EXD3: variants seen among roughly 807,000 people sequenced by gnomAD.
EXD3 encodes exonuclease 3'-5' domain containing 3, also known as exonuclease mut-7 homolog.
EXD3 carries 92 observed loss-of-function variants against 98.0 expected under a neutral mutation model. The observed-to-expected ratio is 0.94, with a 90% CI of 0.79 to 1.12. The LOEUF (loss-of-function observed/expected upper bound fraction) is 1.12, where lower values mean the gene tolerates loss of function less well. Among genes scored for constraint, EXD3 ranks in the 50% most tolerant of loss-of-function variants. The pLI is 0.00. For missense variants in EXD3, 1,222 were observed against 1,191.6 expected (o/e 1.03, Z -0.38); for synonymous variants, 569 against 526.0 (o/e 1.08, Z -1.12).
intron 14 of EXD3, 85 bp downstream of exon 14, chr9:137,350,953 C>G: frequency 9.1e-7 from 1 of 1,099,492 alleles, no homozygotes; most frequent in South Asian, 1.4e-5. Flanking sequence ...AGCCCAGGGC[C>G]GCTGGGAAGG....
chr9:137,368,888 C>G (rs565780992), intron 5 of EXD3, among the ~76,000 whole-genome samples: 2 of 134,680 alleles, frequency 1.5e-5, no homozygotes, highest in Non-Finnish European at 3.2e-5. Context: ...GGCGAAGGTC[C>G]GGGGCGGGGC....
chr9:137,408,178 C>G (rs1342585722), intron 1 of EXD3, among the ~76,000 whole-genome samples: 1 of 152,128 alleles, frequency 6.6e-6, no homozygotes, highest in African/African-American at 2.4e-5. Flanking sequence ...TTCCTCTGGG[C>G]GCCTGGATGT....
intron 17 of EXD3, among the ~76,000 whole-genome samples, chr9:137,339,183 A>G (rs1302102148): frequency 4.6e-5 from 7 of 152,156 alleles, no homozygotes; most frequent in Non-Finnish European, 2.9e-5. Flanking sequence ...ATTCTCCCCA[A>G]AGAAAACATC....
At chr9:137,368,991 G>T in intron 5 of EXD3, among the ~76,000 whole-genome samples, 1 of 147,790 alleles carries the variant, frequency 6.8e-6, no homozygotes, top group Non-Finnish European at 1.5e-5. Context: ...GCAGTGCCCG[G>T]GGCGGGGTGG....
intron 5 of EXD3, 126 bp downstream of exon 5, chr9:137,372,779 G>T: frequency 2.0e-6 from 2 of 1,012,492 alleles, no homozygotes; most frequent in Non-Finnish European, 2.8e-6. Context: ...CCGGGTCCTT[G>T]ATACCTCCAT....
chr9:137,404,852 C>T (rs1837641075), intron 1 of EXD3, among the ~76,000 whole-genome samples: 1 of 109,476 alleles, frequency 9.1e-6, no homozygotes, highest in Non-Finnish European at 1.9e-5. Flanking sequence ...AAGAGTGAAG[C>T]TCTGTCTTAA....
chr9:137,319,663 C>T (rs1175326909), intron 19 of EXD3, among the ~76,000 whole-genome samples: 14 of 152,192 alleles, frequency 9.2e-5, no homozygotes, highest in South Asian at 4.1e-4. Flanking sequence ...GAGGCGGGTG[C>T]GCACATGGGA....
At chr9:137,362,427 G>A (rs2119279293) in intron 7 of EXD3, among the ~76,000 whole-genome samples, 1 of 151,590 alleles carries the variant, frequency 6.6e-6, no homozygotes, top group East Asian at 1.9e-4. Context: ...CATCTCAATA[G>A]AAAAGTCATT....
At chr9:137,406,043 G>A (rs781345496) in intron 1 of EXD3, among the ~76,000 whole-genome samples, 1 of 151,926 alleles carries the variant, frequency 6.6e-6, no homozygotes, top group African/African-American at 2.4e-5. Context: ...AACATAGTGA[G>A]ACCCCATCCT....
chr9:137,376,244 A>T (rs965641646), intron 3 of EXD3, among the ~76,000 whole-genome samples: 1 of 149,614 alleles, frequency 6.7e-6, no homozygotes, highest in Non-Finnish European at 1.5e-5. Flanking sequence ...CTCGGGAGGC[A>T]GAGGCAGGAG....
chr9:137,351,369 A>G lies in EXD3; in HGVS notation c.1333T>C (p.Phe445Leu). The G allele has an allele frequency of 1.9e-6, 3 of 1,611,784 alleles. No individual in the cohort carries two copies. The highest frequency in any genetic ancestry group is 2.5e-6 in the Non-Finnish European group (3 of 1,179,568). The change falls in exon 13 of 22, where the codon TTT (phenylalanine) becomes CTT (leucine). Residue 445 changes from phenylalanine to leucine, a missense_variant. By Grantham distance (22) the Phe-to-Leu change is conservative. Transcript: ENST00000340951. ...QPPTGQGAQAFSRLVAQLLSD... is the reference protein window; with the variant it reads ...QPPTGQGAQALSRLVAQLLSD... Reference sequence around the variant, plus strand: ...AGGAGCTGGGCCACCAGCCGGGAAAAGGCCTGGGCTCCCTGCCCTGTTGGT... The same window carrying G: ...AGGAGCTGGGCCACCAGCCGGGAAAGGGCCTGGGCTCCCTGCCCTGTTGGT...
chr9:137,421,470 T>C (rs1005472805), intron 1 of EXD3, among the ~76,000 whole-genome samples: 1 of 152,252 alleles, frequency 6.6e-6, no homozygotes, highest in African/African-American at 2.4e-5. Context: ...TACTGGATTC[T>C]AGCCCTGATC....
chr9:137,355,443 GGGAGGAT>G (rs1167428498), intron 8 of EXD3, among the ~76,000 whole-genome samples: 466 of 15,916 alleles, frequency 0.029, 28 homozygotes, highest in African/African-American at 0.063. Flanking sequence ...GATGGAGGAA[GGGAGGAT>G]GGAGGAAGGA....
At chr9:137,327,209 C>T (rs543209430) in intron 17 of EXD3, among the ~76,000 whole-genome samples, 1 of 151,526 alleles carries the variant, frequency 6.6e-6, no homozygotes, top group South Asian at 2.1e-4. Flanking sequence ...TCTTGGCTCA[C>T]TGCAAGTTCT....
At chr9:137,307,382 C>T in intron 21 of EXD3, 119 bp from the exon 22 acceptor site, 1 of 1,383,996 alleles carries the variant, frequency 7.2e-7, no homozygotes, top group Non-Finnish European at 9.5e-7. Context: ...TCAGCAGCTC[C>T]TCTTTCTGCT....
chr9:137,389,531 C>G (rs1019630652), intron 2 of EXD3, among the ~76,000 whole-genome samples: 1 of 152,122 alleles, frequency 6.6e-6, no homozygotes, highest in Non-Finnish European at 1.5e-5. Context: ...GCCCACCGTT[C>G]GATGCTGTGG....
Position 137,395,535 on chromosome 9 carries a change from G to T in EXD3, c.-47-131C>A. ...GGGGGCCCAAGTGGGACCCCCAGTC[G>T]CTGAGCATAGCGGGCAGCTCCACAC... On this transcript the variant is annotated intron_variant, in intron 1 of 21. Coordinates refer to ENST00000340951, the MANE Select transcript of EXD3 (RefSeq NM_017820.5). The surrounding 1 kb of genome is among the most constrained non-coding windows in gnomAD (Gnocchi z 6.5). 3.8e-6 allele frequency: 3 copies of T among 785,182 alleles called. No individual in the cohort carries two copies. In the South Asian group the frequency reaches 5.2e-5, roughly 14 times the overall value. 48.6% of individuals were successfully genotyped at this position (785,182 alleles called of 1,614,324 possible).
At chr9:137,311,032 G>C (rs771216245) in intron 19 of EXD3, among the ~76,000 whole-genome samples, 1 of 152,196 alleles carries the variant, frequency 6.6e-6, no homozygotes, top group Non-Finnish European at 1.5e-5. Context: ...TGCCCCACAC[G>C]CTGTCTTCCC....
In EXD3 at chr9:137,356,292, G is replaced by A. The variant is rs1397841728; in HGVS notation, c.733C>T (p.Gln245Ter). The change falls in exon 8 of 22, where the codon CAG (glutamine) becomes TAG (stop). Residue 245 changes from glutamine (Q) to a stop codon, truncating the protein, a stop_gained. Coordinates refer to ENST00000340951, the MANE Select transcript of EXD3 (RefSeq NM_017820.5). LOFTEE classifies it high-confidence loss of function. ...CCTGGGGCTACGCCGTACCGCTCCT[G>A]CAGACGCAAGACCTGCCTGCTCAGC... is the stretch of plus-strand genomic sequence containing the variant. ...KALSRQVLRL[Q>*]ERYGVAPALC... The A allele has an allele frequency of 6.2e-7, 1 of 1,603,672 alleles. No homozygotes were observed. The highest frequency in any genetic ancestry group is 8.5e-7 in the Non-Finnish European group (1 of 1,175,874).
Sources: allele counts gnomAD v4.1 joint callset (sites outside exome capture counted in the v4.1 genomes callset), GRCh38; gene constraint gnomAD v4.1.1; non-coding constraint Gnocchi (gnomAD v3.1); transcripts MANE v1.5; gene names NCBI Gene and HGNC (gene_info 2026-07-23, HGNC 2026-07-21).